ADD2: variants seen among roughly 807,000 people sequenced by gnomAD.
ADD2 encodes beta-adducin.
Under a neutral mutation model 83.0 loss-of-function variants are expected in ADD2, and 23 were observed. The observed-to-expected ratio is 0.28, with a 90% confidence interval of 0.20 to 0.39. The LOEUF (loss-of-function observed/expected upper bound fraction) is 0.39. ADD2 is among the 10% of genes least tolerant of loss of function. The probability of loss-of-function intolerance (pLI) is 1.00; values close to 1 mark genes in which losing one functional copy is unlikely to be tolerated. For missense variants in ADD2, 758 were observed against 944.9 expected (o/e 0.80, Z 2.59); for synonymous variants, 375 against 375.4 (o/e 1.00, Z 0.01).
At chr2:70,698,484 T>C (rs1446283629) in intron 4 of ADD2, among the ~76,000 whole-genome samples, 1 of 152,190 alleles carries the variant, frequency 6.6e-6, no homozygotes. Context: ...ACAGACCGAA[T>C]AAGTTCTAGA....
intron 1 of ADD2, among the ~76,000 whole-genome samples, chr2:70,722,794 A>T (rs1283995492): frequency 6.6e-6 from 1 of 152,234 alleles, no homozygotes; most frequent in African/African-American, 2.4e-5. Context: ...AGGCAACAAG[A>T]TGAGATAAAA....
chr2:70,666,036 G>A (rs976930150), intron 15 of ADD2, among the ~76,000 whole-genome samples: 5 of 151,954 alleles, frequency 3.3e-5, no homozygotes, highest in African/African-American at 4.8e-5. Context: ...GGATGGTCTC[G>A]AACTCCTGAC....
At chr2:70,674,557 A>G in intron 14 of ADD2, 121 bp downstream of exon 14, 1 of 1,127,636 alleles carries the variant, frequency 8.9e-7, no homozygotes, top group Non-Finnish European at 1.3e-6. Context: ...TTTGTGATTA[A>G]TGGAACTACA....
chr2:70,677,625 T>C (rs531900700), intron 12 of ADD2, 133 bp downstream of exon 12: 3 of 1,188,818 alleles, frequency 2.5e-6, no homozygotes, highest in African/African-American at 1.5e-5. Flanking sequence ...CAGTCAATGG[T>C]AGTTTCTCTC....
In ADD2 at chr2:70,663,870, G is replaced by T. The variant is rs1675641555; in HGVS notation, c.1871-135C>A. 8.5e-5 allele frequency: 80 copies of T among 946,532 alleles called. 4 individuals are homozygous for T. In the South Asian group the frequency reaches 1.4e-3, roughly 16 times the overall value. The allele number at this position is 946,532 out of a possible 1,614,324, so 58.6% of individuals were successfully genotyped here. On this transcript the variant is annotated intron_variant, in intron 15 of 15. Coordinates refer to ENST00000264436, the MANE Select transcript of ADD2 (RefSeq NM_001617.4). Reference sequence around the variant, plus strand: ...AGGGGAGGGCCAGCCTGATGTTGAGGGATGGCTACCAGAGACAGATGGAAG... The same window carrying T: ...AGGGGAGGGCCAGCCTGATGTTGAGTGATGGCTACCAGAGACAGATGGAAG...
chr2:70,714,945 C>T (rs1672390159), intron 1 of ADD2, among the ~76,000 whole-genome samples: 1 of 152,138 alleles, frequency 6.6e-6, no homozygotes, highest in South Asian at 2.1e-4. Flanking sequence ...AAACATTGAC[C>T]CCCAATGTAA....
At chr2:70,690,715 T>C (rs1159454888) in intron 8 of ADD2, 71 bp downstream of exon 8, 2 of 1,520,730 alleles carry the variant, frequency 1.3e-6, no homozygotes, top group African/African-American at 1.4e-5. Flanking sequence ...CCAATGAACA[T>C]ATGTCACTTT....
chr2:70,703,308 A>G (rs1671707268), intron 4 of ADD2, among the ~76,000 whole-genome samples: 1 of 152,198 alleles, frequency 6.6e-6, no homozygotes, highest in Non-Finnish European at 1.5e-5. Flanking sequence ...CCTCATCAGT[A>G]GTCAAACAAA....
At chr2:70,761,990 G>C (rs1220233978) in intron 1 of ADD2, among the ~76,000 whole-genome samples, 2 of 151,676 alleles carry the variant, frequency 1.3e-5, no homozygotes, top group Non-Finnish European at 2.9e-5. Flanking sequence ...ATTTTTTAAT[G>C]TTAATGAAGA....
In ADD2 at chr2:70,677,663, A is replaced by G; in HGVS notation, c.1503+95T>C. 4 of 1,498,502 alleles carry G rather than the reference A, an allele frequency of 2.7e-6. No individual in the cohort carries two copies. In the South Asian group the frequency reaches 4.9e-5, roughly 19 times the overall value. The allele number at this position is 1,498,502 out of a possible 1,614,324, so 92.8% of individuals were successfully genotyped here. On this transcript the variant is annotated intron_variant, in intron 12 of 15. Coordinates refer to ENST00000264436, the MANE Select transcript of ADD2 (RefSeq NM_001617.4). ...CTGTGAGGCATGTGAGATGTCAGCG[A>G]GTCAGGCACATCCTGGGAACTCAGC...
chr2:70,703,222 GA>G (rs1671698608), intron 4 of ADD2, among the ~76,000 whole-genome samples: 1 of 151,988 alleles, frequency 6.6e-6, no homozygotes, highest in Admixed American at 6.6e-5. Flanking sequence ...GAAAGAGAAA[GA>G]GAGAAAGAGA....
chr2:70,719,244 T>C lies in ADD2; in HGVS notation c.-153-6060A>G, dbSNP rs202163198. 2.2e-4 allele frequency among the ~76,000 whole-genome samples: 34 copies of C among 152,302 alleles called. No homozygotes were observed. In the East Asian group the frequency reaches 2.9e-3, roughly 13 times the overall value. Reference sequence around the variant, plus strand: ...CCTATGAGACTTGCTTCATCTGGACTCAATACAATCCTTCCACTAAAATAT... The same window carrying C: ...CCTATGAGACTTGCTTCATCTGGACCCAATACAATCCTTCCACTAAAATAT... On this transcript the variant is annotated intron_variant, in intron 1 of 15. Transcript: ENST00000264436.
intron 15 of ADD2, among the ~76,000 whole-genome samples, chr2:70,664,379 G>A (rs527474603): frequency 2.0e-5 from 3 of 152,246 alleles, no homozygotes; most frequent in African/African-American, 7.2e-5. Flanking sequence ...GAATCTGTCG[G>A]GATCGCGGGA....
Position 70,706,305 on chromosome 2 carries a change from C to T in ADD2, c.104G>A (p.Arg35His). 1 of 1,614,082 alleles carries T rather than the reference C, an allele frequency of 6.2e-7. No homozygotes were observed. Among genetic ancestry groups the T allele is most frequent in the Non-Finnish European group, 8.5e-7 (1 of 1,180,000 alleles). Residue 35 changes from arginine to histidine, a missense_variant, in exon 3 of 16, where the codon CGC becomes CAC. Arg to His is a conservative substitution (Grantham distance 29, BLOSUM62 0). Transcript: ENST00000264436. This position sits in a 1 kb window ranked among gnomAD's most constrained non-coding sequence, Gnocchi z 5.0. Reference sequence around the variant, plus strand: ...CTGCCGCAGGTCCGCCGCCCGGTTGCGAAGGCGCATGTACTCGGGGTCGTC... The same window carrying T: ...CTGCCGCAGGTCCGCCGCCCGGTTGTGAAGGCGCATGTACTCGGGGTCGTC... Reference protein sequence around the residue: ...SEDDPEYMRLRNRAADLRQDF... With the variant: ...SEDDPEYMRLHNRAADLRQDF...
intron 1 of ADD2, among the ~76,000 whole-genome samples, chr2:70,759,092 A>T (rs1674950001): frequency 1.3e-5 from 2 of 152,140 alleles, no homozygotes; most frequent in African/African-American, 4.8e-5. Flanking sequence ...AGCCACAGGG[A>T]TTTACTACTT....
intron 1 of ADD2, among the ~76,000 whole-genome samples, chr2:70,744,989 A>G (rs1039087069): frequency 5.9e-5 from 9 of 152,136 alleles, no homozygotes; most frequent in African/African-American, 2.2e-4. Context: ...ACTGAACTTA[A>G]GATTTCAAGG....
chr2:70,736,203 A>C (rs1553380137), intron 1 of ADD2, among the ~76,000 whole-genome samples: 1 of 152,194 alleles, frequency 6.6e-6, no homozygotes, highest in Non-Finnish European at 1.5e-5. Context: ...TATGTCACAA[A>C]GGAGAACTGG....
intron 1 of ADD2, among the ~76,000 whole-genome samples, chr2:70,739,266 C>A (rs923519269): frequency 6.6e-6 from 1 of 152,040 alleles, no homozygotes; most frequent in Non-Finnish European, 1.5e-5. Context: ...ATGTGGCCAA[C>A]AAGCATATGA....
chr2:70,716,010 C>T (rs1172154577), intron 1 of ADD2, among the ~76,000 whole-genome samples: 15 of 152,194 alleles, frequency 9.9e-5, no homozygotes, highest in African/African-American at 2.4e-4. Context: ...CTCTAGTGGC[C>T]GTGTTCCTTA....
Sources: gnomAD v4.1 joint callset for allele counts (sites outside exome capture counted in the v4.1 genomes callset) on GRCh38, gnomAD v4.1.1 for gene constraint, Gnocchi (gnomAD v3.1) non-coding constraint, MANE v1.5 for transcripts, NCBI Gene and HGNC (gene_info 2026-07-23, HGNC 2026-07-21) for gene names.